CPEB4: variants seen among roughly 807,000 people sequenced by gnomAD.
The protein encoded by CPEB4 is cytoplasmic polyadenylation element-binding protein 4.
In CPEB4, 12 loss-of-function variants were observed where a neutral mutation model predicts 72.5. The ratio of observed to expected loss-of-function variants is 0.17; its 90% CI spans 0.11 to 0.27. CPEB4 has a LOEUF of 0.27. Among genes scored for constraint, CPEB4 ranks in the 10% least tolerant of loss-of-function variants. The probability of loss-of-function intolerance (pLI) is 1.00; values close to 1 mark genes in which losing one functional copy is unlikely to be tolerated. For missense variants in CPEB4, 614 were observed against 908.5 expected (o/e 0.68, Z 4.17); for synonymous variants, 302 against 326.3 (o/e 0.93, Z 0.80).
At chr5:173,938,028 C>A (rs552615919) in intron 3 of CPEB4, among the ~76,000 whole-genome samples, 1 of 152,088 alleles carries the variant, frequency 6.6e-6, no homozygotes, top group Non-Finnish European at 1.5e-5. Context: ...TTTGTTGAAT[C>A]GTATGCTTTG....
intron 2 of CPEB4, among the ~76,000 whole-genome samples, chr5:173,914,855 C>A (rs1334756063): frequency 6.6e-6 from 1 of 152,126 alleles, no homozygotes; most frequent in Non-Finnish European, 1.5e-5. Flanking sequence ...TTGTTTTAGA[C>A]TTTACAATTC....
intron 2 of CPEB4, among the ~76,000 whole-genome samples, chr5:173,912,886 G>C (rs1756713878): frequency 7.1e-6 from 1 of 139,912 alleles, no homozygotes; most frequent in South Asian, 2.3e-4. Flanking sequence ...AGGCTGCAGT[G>C]AGCTGTGTTC....
At chr5:173,915,230 G>A (rs1260115785) in intron 2 of CPEB4, among the ~76,000 whole-genome samples, 1 of 152,058 alleles carries the variant, frequency 6.6e-6, no homozygotes, top group Non-Finnish European at 1.5e-5. Flanking sequence ...CAACTGGTTT[G>A]TTGGAAAACT....
chr5:173,900,187 C>T lies in CPEB4; in HGVS notation c.1125+9329C>T, dbSNP rs1756175640. ...GCGAGAGGCTGAGGTGGGCGGATCA[C>T]CTGAGGTCGGGAGTTCGAGACCAGC... On this transcript the variant is annotated intron_variant, in intron 1 of 9. Coordinates refer to ENST00000265085, the MANE Select transcript of CPEB4 (RefSeq NM_030627.4). This position sits in a 1 kb window ranked among gnomAD's most constrained non-coding sequence, Gnocchi z 4.4. Among the ~76,000 whole-genome samples the T allele has an allele frequency of 6.6e-6, 1 of 152,102 alleles. No individual in the cohort carries two copies. The highest frequency in any genetic ancestry group is 1.5e-5 in the Non-Finnish European group (1 of 68,016).
Position 173,947,414 on chromosome 5 carries a change from C to CAGAG in CPEB4, c.1457-2093_1457-2090dup, listed in dbSNP as rs1405899473. 2.0e-5 allele frequency among the ~76,000 whole-genome samples: 3 copies of CAGAG among 151,902 alleles called. No homozygotes were observed. The East Asian group carries it at 5.8e-4, about 29-fold the overall frequency. ...TGAATGTATGTAGAGGGGGCTTGCT[C>CAGAG]AGAGGCCTGAGCAGCAGTACGTATG... On this transcript the variant is annotated intron_variant, in intron 5 of 9. Transcript: ENST00000265085.
rs924206764 is a variant in CPEB4, at chr5:173,950,989, G to C, written c.1666-835G>C. Among the ~76,000 whole-genome samples the C allele has an allele frequency of 6.6e-6, 1 of 152,216 alleles. No individual in the cohort carries two copies. Among genetic ancestry groups the C allele is most frequent in the Admixed American group, 6.5e-5 (1 of 15,288 alleles). Reference sequence around the variant, plus strand: ...AATGATGATAGTGCAGAATGGAGTTGTCAGTGGGCCCAGCTTAAGCAAATA... The same window carrying C: ...AATGATGATAGTGCAGAATGGAGTTCTCAGTGGGCCCAGCTTAAGCAAATA... On this transcript the variant is annotated intron_variant, in intron 7 of 9. Transcript: ENST00000265085. This position sits in a 1 kb window ranked among gnomAD's most constrained non-coding sequence, Gnocchi z 5.0.
intron 2 of CPEB4, among the ~76,000 whole-genome samples, chr5:173,915,573 G>C (rs1163855069): frequency 6.6e-6 from 1 of 152,174 alleles, no homozygotes; most frequent in African/African-American, 2.4e-5. Context: ...AGTCTCATAA[G>C]CTTAGAGCCT....
chr5:173,932,472 A>G lies in CPEB4; in HGVS notation c.1230A>G (p.Pro410=), dbSNP rs1473571469. The G allele has an allele frequency of 1.2e-6, 2 of 1,612,884 alleles. No individual in the cohort carries two copies. The highest frequency in any genetic ancestry group is 2.2e-5 in the East Asian group (1 of 44,806). ...CAGGTCGTCTAAACTATTCATATCC[A>G]GGATCCGATAGCTCTCTGCTTATTA... The part of the protein sequence containing the change: ...TIKGRLNYSY[P]GSDSSLLINA... The change falls in exon 3 of 10, where the codon CCA becomes CCG. Residue 410 remains proline (P), a synonymous_variant. Transcript: ENST00000265085.
intron 1 of CPEB4, among the ~76,000 whole-genome samples, chr5:173,903,671 G>C (rs903848131): frequency 3.9e-5 from 6 of 152,158 alleles, no homozygotes; most frequent in Non-Finnish European, 8.8e-5. Context: ...TGATTATTTT[G>C]GTCTGTGGCA....
chr5:173,911,689 T>TTG (rs1388378410), intron 2 of CPEB4, among the ~76,000 whole-genome samples: 1 of 151,114 alleles, frequency 6.6e-6, no homozygotes, highest in Non-Finnish European at 1.5e-5. Flanking sequence ...AGGTTTTTTT[T>TTG]TTTTTTTTTT....
At chr5:173,944,184 A>G (rs986045788) in intron 4 of CPEB4, among the ~76,000 whole-genome samples, 1 of 152,206 alleles carries the variant, frequency 6.6e-6, no homozygotes, top group Non-Finnish European at 1.5e-5. Context: ...AATAATAAAT[A>G]TATCTTTAGC....
intron 6 of CPEB4, 65 bp downstream of exon 6, chr5:173,949,662 C>T: frequency 9.1e-7 from 1 of 1,103,908 alleles, no homozygotes; most frequent in Non-Finnish European, 1.3e-6. Flanking sequence ...GTAGCCTTTT[C>T]ATAAATGTTC....
rs538856104 is a variant in CPEB4 at position 173,907,380 on chromosome 5, A to C, written c.1126-3143A>C. ...TTACTGGAAATAGTTCTTATAAAAC[A>C]AACCAAACAAAACCAGTCTATATTT... On this transcript the variant is annotated intron_variant, in intron 1 of 9. Transcript: ENST00000265085. Among the ~76,000 whole-genome samples, 169 of 152,376 alleles carry C rather than the reference A, an allele frequency of 1.1e-3. 2 individuals are homozygous for C. In the South Asian group the frequency reaches 0.034, roughly 31 times the overall value.
intron 9 of CPEB4, among the ~76,000 whole-genome samples, chr5:173,954,371 C>T (rs1316582123): frequency 6.6e-6 from 1 of 152,070 alleles, no homozygotes; most frequent in Non-Finnish European, 1.5e-5. Context: ...AGTATGTTAA[C>T]ATGCCTACTT....
chr5:173,943,141 G>A, intron 4 of CPEB4, 92 bp downstream of exon 4: 1 of 1,252,284 alleles, frequency 8.0e-7, no homozygotes, highest in Non-Finnish European at 1.1e-6. Flanking sequence ...AAGGGGAGAG[G>A]GGAAATGAAG....
chr5:173,908,195 T>C (rs376370665), intron 1 of CPEB4, among the ~76,000 whole-genome samples: 2 of 152,208 alleles, frequency 1.3e-5, no homozygotes, highest in East Asian at 3.8e-4. Context: ...AATGAGGAAG[T>C]GTAAACACAG....
intron 5 of CPEB4, among the ~76,000 whole-genome samples, chr5:173,945,776 G>A (rs1757996245): frequency 1.3e-5 from 2 of 152,116 alleles, no homozygotes; most frequent in South Asian, 4.1e-4. Flanking sequence ...TTAATTAGGT[G>A]GATAAGAAAA....
intron 3 of CPEB4, among the ~76,000 whole-genome samples, chr5:173,940,813 A>G (rs1757811774): frequency 6.6e-6 from 1 of 152,216 alleles, no homozygotes; most frequent in African/African-American, 2.4e-5. Context: ...TTATAGTTGT[A>G]AACATTATTC....
chr5:173,929,269 G>T, intron 2 of CPEB4, among the ~76,000 whole-genome samples: 1 of 152,190 alleles, frequency 6.6e-6, no homozygotes, highest in East Asian at 1.9e-4. Context: ...AGACCGTTTT[G>T]TTACTGTCAA....
Sources: gnomAD v4.1 joint callset for allele counts (sites outside exome capture counted in the v4.1 genomes callset) on GRCh38, gnomAD v4.1.1 for gene constraint, Gnocchi (gnomAD v3.1) non-coding constraint, MANE v1.5 for transcripts, NCBI Gene and HGNC (gene_info 2026-07-23, HGNC 2026-07-21) for gene names.